The following AUTS2 variants were observed in gnomAD, a reference collection of about 807,000 sequenced individuals.
AUTS2 encodes autism susceptibility gene 2 protein.
In AUTS2, 17 loss-of-function variants were observed where a neutral mutation model predicts 112.4. The ratio of observed to expected loss-of-function variants is 0.15; its 90% CI spans 0.10 to 0.23. The LOEUF (loss-of-function observed/expected upper bound fraction) is 0.23. Ranked by LOEUF, AUTS2 falls within the 10% of genes least tolerant of loss-of-function variation. AUTS2 has a pLI of 1.00. For synonymous variants in AUTS2, 751 were observed against 702.7 expected, an observed-to-expected ratio of 1.07 and a Z score of -1.09; for missense variants, 1,510 against 1,701.6, an observed-to-expected ratio of 0.89 and a Z score of 1.98.
At chr7:69,684,225 G>A (rs142299395) in intron 1 of AUTS2, among the ~76,000 whole-genome samples, 4 of 152,130 alleles carry the variant, frequency 2.6e-5, no homozygotes, top group Non-Finnish European at 4.4e-5. Flanking sequence ...AGACTAGGAG[G>A]CTGTTTTGAT....
At chr7:69,917,189 GT>G (rs996970648) in intron 2 of AUTS2, among the ~76,000 whole-genome samples, 2 of 150,564 alleles carry the variant, frequency 1.3e-5, no homozygotes, top group South Asian at 2.1e-4. Flanking sequence ...AATTGTGTGG[GT>G]TTTTTTTTCT....
chr7:70,346,280 A>C (rs1414211396), intron 4 of AUTS2, among the ~76,000 whole-genome samples: 1 of 152,110 alleles, frequency 6.6e-6, no homozygotes, highest in African/African-American at 2.4e-5. Context: ...TATTTTTATC[A>C]TGTCTCTAAA....
chr7:70,259,327 T>G (rs2129606825), intron 4 of AUTS2, among the ~76,000 whole-genome samples: 1 of 152,122 alleles, frequency 6.6e-6, no homozygotes, highest in South Asian at 2.1e-4. Context: ...TCTTTTTTTG[T>G]AAAAAGAGGT....
chr7:69,648,789 G>A (rs188360835), intron 1 of AUTS2, among the ~76,000 whole-genome samples: 87 of 152,280 alleles, frequency 5.7e-4, no homozygotes, highest in Admixed American at 2.0e-3. Context: ...TTTCTTGTGG[G>A]ATTTTGTGAA....
At chr7:70,100,635 G>T (rs561340486) in intron 2 of AUTS2, among the ~76,000 whole-genome samples, 4 of 150,480 alleles carry the variant, frequency 2.7e-5, no homozygotes, top group Non-Finnish European at 5.9e-5. Flanking sequence ...GTGTCCATGC[G>T]TTCTCATTGG....
At chr7:70,161,730 C>T (rs953473886) in intron 4 of AUTS2, among the ~76,000 whole-genome samples, 67 of 152,014 alleles carry the variant, frequency 4.4e-4, no homozygotes, top group African/African-American at 1.4e-3. Flanking sequence ...ACTTACTTCC[C>T]AGCCCCTTTG....
chr7:69,738,273 C>T (rs1787120689), intron 1 of AUTS2, among the ~76,000 whole-genome samples: 2 of 151,648 alleles, frequency 1.3e-5, no homozygotes, highest in South Asian at 4.2e-4. Flanking sequence ...TCTCTCTCTT[C>T]TATAGGTACA....
chr7:70,185,746 G>C (rs1584851170), intron 4 of AUTS2, among the ~76,000 whole-genome samples: 1 of 152,150 alleles, frequency 6.6e-6, no homozygotes, highest in East Asian at 1.9e-4. Context: ...GTCTTTACAT[G>C]TGTAGAATCA....
chr7:70,321,375 ATTTCT>A (rs1354934027), intron 4 of AUTS2, among the ~76,000 whole-genome samples: 1 of 152,116 alleles, frequency 6.6e-6, no homozygotes, highest in African/African-American at 2.4e-5. Context: ...TTCCCTGAAC[ATTTCT>A]TTTCTCTGTT....
intron 2 of AUTS2, among the ~76,000 whole-genome samples, chr7:69,997,374 A>G (rs1003504867): frequency 1.1e-4 from 17 of 152,204 alleles, no homozygotes; most frequent in African/African-American, 4.1e-4. Context: ...TGGTTTTGGC[A>G]TGAAATTAAA....
At chr7:69,962,862 A>C (rs938134156) in intron 2 of AUTS2, among the ~76,000 whole-genome samples, 1 of 152,106 alleles carries the variant, frequency 6.6e-6, no homozygotes, top group South Asian at 2.1e-4. Context: ...TTTTTGACAG[A>C]TGAATGAATC....
chr7:70,090,217 A>G (rs929631034), intron 2 of AUTS2, among the ~76,000 whole-genome samples: 1 of 151,888 alleles, frequency 6.6e-6, no homozygotes, highest in Non-Finnish European at 1.5e-5. Flanking sequence ...CCATTCATGT[A>G]TACCATAAGA....
At chr7:70,418,768 G>A (rs1165370935) in intron 4 of AUTS2, among the ~76,000 whole-genome samples, 2 of 151,848 alleles carry the variant, frequency 1.3e-5, no homozygotes, top group South Asian at 2.1e-4. Context: ...GATCAAAAAC[G>A]ACAGTAAATG....
intron 5 of AUTS2, among the ~76,000 whole-genome samples, chr7:70,455,808 T>C (rs1398397866): frequency 1.3e-5 from 2 of 151,978 alleles, no homozygotes; most frequent in Non-Finnish European, 2.9e-5. Context: ...AAAAGAAGTT[T>C]CCAGGTGAGG....
At chr7:70,520,631 G>A (rs1015845478) in intron 5 of AUTS2, among the ~76,000 whole-genome samples, 4 of 152,068 alleles carry the variant, frequency 2.6e-5, no homozygotes, top group African/African-American at 7.2e-5. Context: ...AATTTCCTTC[G>A]CAGTACTTTC....
chr7:70,785,582 G>C (rs1475308223), intron 16 of AUTS2: 1 of 444,376 alleles, frequency 2.3e-6, no homozygotes, highest in Non-Finnish European at 4.5e-6. Flanking sequence ...CGCCCTCAGA[G>C]TTTCATCATG....
chr7:69,646,715 G>C (rs1203507956), intron 1 of AUTS2, among the ~76,000 whole-genome samples: 1 of 152,158 alleles, frequency 6.6e-6, no homozygotes, highest in African/African-American at 2.4e-5. Flanking sequence ...CTCTCCTTTT[G>C]TAGACCCAGG....
intron 2 of AUTS2, among the ~76,000 whole-genome samples, chr7:70,114,150 A>G (rs1805232323): frequency 6.6e-6 from 1 of 152,232 alleles, no homozygotes; most frequent in Non-Finnish European, 1.5e-5. Context: ...TGGTGCCCAA[A>G]CTATTGAATA....
chr7:70,708,605 C>A (rs1462253750), intron 6 of AUTS2, among the ~76,000 whole-genome samples: 6 of 151,906 alleles, frequency 3.9e-5, no homozygotes, highest in African/African-American at 1.2e-4. Flanking sequence ...AAAAAATAGC[C>A]TTAAGACTTT....
Sources: allele counts gnomAD v4.1 joint callset (sites outside exome capture counted in the v4.1 genomes callset), GRCh38; gene constraint gnomAD v4.1.1; transcripts MANE v1.5; gene names NCBI Gene and HGNC (gene_info 2026-07-23, HGNC 2026-07-21).